The following ASAH2 variants were observed in gnomAD, a reference collection of about 807,000 sequenced individuals.
ASAH2 encodes the protein N-acylsphingosine amidohydrolase 2, also known as neutral ceramidase.
A neutral mutation model predicts 82.9 loss-of-function variants in ASAH2; 58 were observed. That is an observed-to-expected ratio of 0.70 (90% CI 0.57 to 0.87). The LOEUF (loss-of-function observed/expected upper bound fraction) is 0.87, where lower values mean the gene tolerates loss of function less well. Ranked by LOEUF, ASAH2 falls within the 40% of genes least tolerant of loss-of-function variation. The pLI, the probability that ASAH2 is intolerant of heterozygous loss-of-function variation, is 0.00. For synonymous variants in ASAH2, 276 were observed against 289.7 expected (o/e 0.95, Z 0.48); for missense variants, 779 against 834.0 (o/e 0.93, Z 0.81).
chr10:50,204,356 G>A (rs1054257187), intron 14 of ASAH2, among the ~76,000 whole-genome samples: 2 of 151,898 alleles, frequency 1.3e-5, no homozygotes, highest in Non-Finnish European at 2.9e-5. Context: ...AGTGACAGAA[G>A]GTGTTGGGTA....
chr10:50,217,109 T>C (rs1020493985), intron 8 of ASAH2, among the ~76,000 whole-genome samples: 2 of 152,186 alleles, frequency 1.3e-5, no homozygotes, highest in Admixed American at 1.3e-4. Flanking sequence ...GGGAATGGAT[T>C]GTAGTAGTTC....
chr10:50,206,738 G>C (rs924117763), intron 12 of ASAH2, among the ~76,000 whole-genome samples: 11 of 151,782 alleles, frequency 7.2e-5, no homozygotes, highest in Admixed American at 1.3e-4. Context: ...AATGAAGAAA[G>C]AAATACACAT....
intron 4 of ASAH2, chr10:50,240,515 A>C (rs1331829734): frequency 2.8e-6 from 2 of 702,150 alleles, no homozygotes; most frequent in East Asian, 2.7e-5. Context: ...TGTTTACATC[A>C]CTCCGCCACT....
intron 4 of ASAH2, chr10:50,240,631 T>A (rs930109417): frequency 2.9e-6 from 2 of 701,700 alleles, no homozygotes; most frequent in African/African-American, 3.5e-5. Flanking sequence ...CATCTCCAAC[T>A]ACATGCCTCC....
At chr10:50,219,584 A>T (rs976563164) in intron 7 of ASAH2, among the ~76,000 whole-genome samples, 207 of 151,514 alleles carry the variant, frequency 1.4e-3, no homozygotes, top group African/African-American at 4.2e-3. Context: ...CTTAGAATTT[A>T]AAAAAAAAAT....
chr10:50,245,181 C>A (rs1297281241), intron 3 of ASAH2, 41 bp downstream of exon 3: 5 of 1,453,312 alleles, frequency 3.4e-6, no homozygotes, highest in Middle Eastern at 1.8e-4. Context: ...AATAAAATTA[C>A]TTGTTTCACA....
At chr10:50,217,611 C>T (rs1407029306) in intron 8 of ASAH2, among the ~76,000 whole-genome samples, 1 of 152,102 alleles carries the variant, frequency 6.6e-6, no homozygotes, top group Non-Finnish European at 1.5e-5. Flanking sequence ...GAGGCCCTCA[C>T]CAGATGGAGT....
rs1845288549 is a variant in ASAH2 at position 50,206,115 on chromosome 10, A to G, written c.1415-18T>C. ...TGTTTTCCCTATTAGAAATGTTATAATTAGTATACTTCCTTGAACCAACCC... is the reference window on the plus strand; with the variant it reads ...TGTTTTCCCTATTAGAAATGTTATAGTTAGTATACTTCCTTGAACCAACCC... On this transcript the variant is annotated intron_variant, in intron 12 of 20. Transcript: ENST00000682911. 6.5e-7 allele frequency: 1 copy of G among 1,549,362 alleles called. No homozygotes were observed. Among genetic ancestry groups the G allele is most frequent in the African/African-American group, 1.4e-5 (1 of 73,604 alleles).
chr10:50,217,132 G>C (rs2133211594), intron 8 of ASAH2, among the ~76,000 whole-genome samples: 1 of 152,178 alleles, frequency 6.6e-6, no homozygotes, highest in East Asian at 1.9e-4. Context: ...GCAAGAGCAG[G>C]ATTGTTAAAA....
intron 9 of ASAH2, among the ~76,000 whole-genome samples, chr10:50,213,951 C>T (rs1213437206): frequency 1.2e-4 from 18 of 152,090 alleles, no homozygotes; most frequent in Admixed American, 1.0e-3. Context: ...AGAATAAGAA[C>T]CCAAAAAGTA....
chr10:50,238,886 A>G (rs929248240), intron 4 of ASAH2, among the ~76,000 whole-genome samples: 3 of 152,228 alleles, frequency 2.0e-5, no homozygotes, highest in Admixed American at 6.5e-5. Flanking sequence ...CTCTGATATG[A>G]AGCCAGACAT....
intron 16 of ASAH2, among the ~76,000 whole-genome samples, chr10:50,199,818 G>C (rs1463932572): frequency 2.6e-5 from 4 of 151,418 alleles, no homozygotes; most frequent in African/African-American, 9.8e-5. Context: ...CGGTAATTCT[G>C]TCTCCTTCAA....
At position 50,214,796 on chromosome 10, in the gene ASAH2, T is replaced by C; in HGVS notation, c.1087A>G (p.Ile363Val). 1.9e-6 allele frequency: 3 copies of C among 1,613,786 alleles called. No homozygotes were observed. Among genetic ancestry groups the C allele is most frequent in the Non-Finnish European group, 2.5e-6 (3 of 1,179,700 alleles). The change falls in exon 9 of 21, where the codon ATC becomes GTC. Residue 363 changes from isoleucine to valine, a missense_variant. This residue lies in a region of ASAH2 where 759 missense variants were observed against 755.2 expected (regional missense o/e 1.00). Transcript: ENST00000682911. ...TTATCACAGGACTCTCCTGTGTTGA[T>C]GCAACGTGGTCCAAGAATGTTGGGG... is the stretch of plus-strand genomic sequence containing the variant. ...VSPNILGPRCINTGESCDNAN... is the reference protein window; with the variant it reads ...VSPNILGPRCVNTGESCDNAN...
At position 50,219,107 on chromosome 10, in the gene ASAH2, C is replaced by T. The variant is rs1005746926; in HGVS notation, c.894-477G>A. ...CTTTAACACAGTGTGACAAACGTTG[C>T]GAAGAAACAGGCATAAAGTGTTCAG... On this transcript the variant is annotated intron_variant, in intron 7 of 20. Transcript: ENST00000682911. 1.1e-3 allele frequency among the ~76,000 whole-genome samples: 160 copies of T among 152,168 alleles called. 1 individual carries two copies. The highest frequency in any genetic ancestry group is 3.6e-3 in the African/African-American group (150 of 41,522).
intron 2 of ASAH2, among the ~76,000 whole-genome samples, chr10:50,247,022 A>G (rs1186389750): frequency 1.3e-5 from 2 of 152,256 alleles, no homozygotes; most frequent in African/African-American, 2.4e-5. Flanking sequence ...AATCCTCACT[A>G]TAGTGCTCAA....
chr10:50,248,757 G>T, intron 1 of ASAH2, 111 bp from the exon 2 acceptor site: 1 of 801,088 alleles, frequency 1.2e-6, no homozygotes, highest in Non-Finnish European at 1.9e-6. Flanking sequence ...CAAGTACAGA[G>T]CACTTACCAC....
At chr10:50,209,902 T>A (rs1845406253) in intron 12 of ASAH2, among the ~76,000 whole-genome samples, 2 of 152,014 alleles carry the variant, frequency 1.3e-5, no homozygotes, top group African/African-American at 4.8e-5. Flanking sequence ...TATTGGCAAA[T>A]ACATTAAAAA....
At position 50,245,203 on chromosome 10, in the gene ASAH2, G is replaced by C; in HGVS notation, c.360+19C>G. Reference sequence around the variant, plus strand: ...TTACTTGTTTCACAGTCTCCTTAAGGAGCCCATTGTCTACTTGCCAAATTG... The same window carrying C: ...TTACTTGTTTCACAGTCTCCTTAAGCAGCCCATTGTCTACTTGCCAAATTG... On this transcript the variant is annotated intron_variant, in intron 3 of 20. Coordinates refer to ENST00000682911, the MANE Select transcript of ASAH2 (RefSeq NM_019893.4). 6.4e-7 allele frequency: 1 copy of C among 1,565,952 alleles called. No homozygotes were observed. The highest frequency in any genetic ancestry group is 8.8e-7 in the Non-Finnish European group (1 of 1,136,554).
chr10:50,215,435 C>A lies in ASAH2; in HGVS notation c.1015-567G>T, dbSNP rs1845568381. ...TTCTAGGGTGTTTATGGTTTTAGGTCTTACATTTAAGTCTTTAATCCATCT... is the reference window on the plus strand; with the variant it reads ...TTCTAGGGTGTTTATGGTTTTAGGTATTACATTTAAGTCTTTAATCCATCT... On this transcript the variant is annotated intron_variant, in intron 8 of 20. Coordinates refer to ENST00000682911, the MANE Select transcript of ASAH2 (RefSeq NM_019893.4). Among the ~76,000 whole-genome samples, 2 of 151,386 alleles carry A rather than the reference C, an allele frequency of 1.3e-5. 1 individual carries two copies. Among genetic ancestry groups the A allele is most frequent in the South Asian group, 4.2e-4 (2 of 4,794 alleles).
Sources: allele counts gnomAD v4.1 joint callset (sites outside exome capture counted in the v4.1 genomes callset), GRCh38; gene constraint gnomAD v4.1.1; regional missense constraint gnomAD v4.1.1; transcripts MANE v1.5; gene names NCBI Gene and HGNC (gene_info 2026-07-23, HGNC 2026-07-21).